PRCC: variants seen among roughly 807,000 people sequenced by gnomAD.
The protein encoded by PRCC is proline-rich protein PRCC.
Under a neutral mutation model 44.0 loss-of-function variants are expected in PRCC, and 10 were observed. That is an observed-to-expected ratio of 0.23 (90% CI 0.14 to 0.39). The LOEUF (loss-of-function observed/expected upper bound fraction) is 0.39, where lower values mean the gene tolerates loss of function less well. Ranked by LOEUF, PRCC falls within the 10% of genes least tolerant of loss-of-function variation. The pLI, the probability that PRCC is intolerant of heterozygous loss-of-function variation, is 1.00. For synonymous variants in PRCC, 278 were observed against 259.5 expected (o/e 1.07, Z -0.69); for missense variants, 573 against 624.7 (o/e 0.92, Z 0.88).
chr1:156,767,870 C>G lies in PRCC; in HGVS notation c.99C>G (p.Pro33=). The change falls in exon 1 of 7, where the codon CCC becomes CCG. Residue 33 remains proline (P), a synonymous_variant. Coordinates refer to ENST00000271526, the MANE Select transcript of PRCC (RefSeq NM_005973.5). ...AGGCGGTGGCTCCTACATCTGGGCC[C>G]GCTTTAGGGGGCTTGTTCGCTTCTC... The part of the protein sequence containing the change: ...EEEAVAPTSG[P]ALGGLFASLP... 6.2e-7 allele frequency: 1 copy of G among 1,607,508 alleles called. No homozygotes were observed. Among genetic ancestry groups the G allele is most frequent in the Non-Finnish European group, 8.5e-7 (1 of 1,177,864 alleles).
intron 1 of PRCC, 23 bp downstream of exon 1, chr1:156,768,262 C>T: frequency 6.5e-7 from 1 of 1,535,722 alleles, no homozygotes; most frequent in Middle Eastern, 1.7e-4. Flanking sequence ...GGAAGGCACC[C>T]CCAAACTGTC....
rs932941714 is a variant in PRCC, at chr1:156,775,634, C to T, written c.469-6648C>T. On this transcript the variant is annotated intron_variant, in intron 1 of 6. Coordinates refer to ENST00000271526, the MANE Select transcript of PRCC (RefSeq NM_005973.5). ...CAAGTGATTCTCCTGCCTCAGCCTCCCGAGTAGCTGGGACTACCGGCACCC... is the reference window on the plus strand; with the variant it reads ...CAAGTGATTCTCCTGCCTCAGCCTCTCGAGTAGCTGGGACTACCGGCACCC... 1.1e-4 allele frequency among the ~76,000 whole-genome samples: 17 copies of T among 152,086 alleles called. No individual in the cohort carries two copies. In the East Asian group the frequency reaches 3.3e-3, roughly 30 times the overall value.
chr1:156,795,703 T>G (rs1331843634), intron 5 of PRCC: 1 of 152,228 alleles, frequency 6.6e-6, no homozygotes. Context: ...TCTTCTGTGT[T>G]CTCTTCATTA....
At chr1:156,798,235 A>G (rs954959037) in intron 6 of PRCC, among the ~76,000 whole-genome samples, 3 of 152,226 alleles carry the variant, frequency 2.0e-5, no homozygotes, top group African/African-American at 7.2e-5. Flanking sequence ...CCGATAACAC[A>G]TATTTTGTAT....
rs1402809799 is a variant in PRCC at position 156,791,537 on chromosome 1, T to C, written c.1084-160T>C. 4 of 635,450 alleles carry C rather than the reference T, an allele frequency of 6.3e-6. No homozygotes were observed. The African/African-American group carries it at 7.4e-5, about 12-fold the overall frequency. 39.4% of individuals were successfully genotyped at this position (635,450 alleles called of 1,614,324 possible). A position where few individuals can be genotyped will look rare whatever the true frequency, so the allele number is the denominator to read the frequency against. ...CTGTTCTTGAGTTGTAGGTCGGTCC[T>C]TGGGATCTATGCCTTTAACTGGTCT... is the stretch of plus-strand genomic sequence containing the variant. On this transcript the variant is annotated intron_variant, in intron 3 of 6. Coordinates refer to ENST00000271526, the MANE Select transcript of PRCC (RefSeq NM_005973.5).
At chr1:156,790,501 TA>T (rs1185968045) in intron 3 of PRCC, among the ~76,000 whole-genome samples, 3 of 152,194 alleles carry the variant, frequency 2.0e-5, no homozygotes, top group Non-Finnish European at 2.9e-5. Context: ...CATGCGCCTG[TA>T]ATCCCAGCTA....
chr1:156,788,699 G>C (rs1652366255), intron 3 of PRCC, among the ~76,000 whole-genome samples: 1 of 122,712 alleles, frequency 8.1e-6, no homozygotes, highest in South Asian at 2.5e-4. Context: ...GTCTCGCTCT[G>C]TCGCCCAGGC....
At chr1:156,779,124 ATATATTTTTTTTTTTT>A (rs1180912240) in intron 1 of PRCC, among the ~76,000 whole-genome samples, 11 of 25,204 alleles carry the variant, frequency 4.4e-4, no homozygotes, top group South Asian at 1.9e-3. Flanking sequence ...ATATATATAT[ATATATTTTTTTTTTTT>A]TTTTTTTTTT....
In PRCC at chr1:156,791,768, T is replaced by C; in HGVS notation, c.1155T>C (p.Asp385=). Reference sequence around the variant, plus strand: ...TCCCCCCCCAGGAAATTGCCCCAGATGCCTCCTTCATCGATGACGAAGCAG... The same window carrying C: ...TCCCCCCCCAGGAAATTGCCCCAGACGCCTCCTTCATCGATGACGAAGCAG... ...ALVPPQEIAP[D]ASFIDDEAFK... is the part of the protein sequence containing the mutation. Residue 385 remains aspartate, a synonymous_variant, in exon 4 of 7, where the codon GAT becomes GAC. Transcript: ENST00000271526. 6.2e-7 allele frequency: 1 copy of C among 1,613,960 alleles called. No homozygotes were observed. The highest frequency in any genetic ancestry group is 8.5e-7 in the Non-Finnish European group (1 of 1,179,986).
chr1:156,797,247 A>G (rs1320102001), intron 5 of PRCC, 29 bp from the exon 6 acceptor site: 3 of 1,614,024 alleles, frequency 1.9e-6, no homozygotes, highest in Non-Finnish European at 8.5e-7. Flanking sequence ...CATCCTGTGG[A>G]TTAATGAATA....
intron 3 of PRCC, among the ~76,000 whole-genome samples, 190 bp downstream of exon 3, chr1:156,787,364 G>T (rs1369539670): frequency 6.6e-6 from 1 of 151,654 alleles, no homozygotes; most frequent in Non-Finnish European, 1.5e-5. Flanking sequence ...AAGTGTGACA[G>T]GGTGAACCAC....
rs1398725561 is a variant in PRCC at position 156,767,740 on chromosome 1, C to T, written c.-32C>T. On this transcript the variant is annotated 5_prime_UTR_variant, in exon 1 of 7. Transcript: ENST00000271526. Reference sequence around the variant, plus strand: ...CCCGGTCTCAAGTAGGCCTCATCTGCCGGCAAGGGCGCCCGAAACGCGGGA... The same window carrying T: ...CCCGGTCTCAAGTAGGCCTCATCTGTCGGCAAGGGCGCCCGAAACGCGGGA... 2 of 1,552,996 alleles carry T rather than the reference C, an allele frequency of 1.3e-6. No individual in the cohort carries two copies. Among genetic ancestry groups the T allele is most frequent in the African/African-American group, 2.7e-5 (2 of 73,492 alleles).
In PRCC at chr1:156,790,099, T is replaced by C. The variant is rs148806242; in HGVS notation, c.1084-1598T>C. ...TCAGCAAGTTTAAAAACTGCTGGCC[T>C]GGGATGGTTGGAAGACTTAAGTCCC... On this transcript the variant is annotated intron_variant, in intron 3 of 6. Coordinates refer to ENST00000271526, the MANE Select transcript of PRCC (RefSeq NM_005973.5). Among the ~76,000 whole-genome samples the C allele has an allele frequency of 1.2e-3, 188 of 152,378 alleles. 2 individuals are homozygous for C. In the South Asian group the frequency reaches 0.014, roughly 11 times the overall value.
intron 2 of PRCC, among the ~76,000 whole-genome samples, chr1:156,784,127 T>G (rs1652149745): frequency 6.6e-6 from 1 of 152,068 alleles, no homozygotes; most frequent in Admixed American, 6.5e-5. Flanking sequence ...TTTTGTATTT[T>G]TAGTAGAGAT....
At chr1:156,779,989 C>T (rs1338490868) in intron 1 of PRCC, among the ~76,000 whole-genome samples, 1 of 151,898 alleles carries the variant, frequency 6.6e-6, no homozygotes, top group Admixed American at 6.6e-5. Flanking sequence ...CTCCTGGATT[C>T]AAGCAATTCT....
chr1:156,786,974 AT>A lies in PRCC; in HGVS notation c.884del (p.Ile295ThrfsTer132). On this transcript the variant is annotated frameshift_variant, in exon 3 of 7. Coordinates refer to ENST00000271526, the MANE Select transcript of PRCC (RefSeq NM_005973.5). LOFTEE classifies it high-confidence loss of function. Reference protein sequence around the residue: ...PPGVEPYPYPIPTVPEELPPG... With the variant: ...PPGVEPYPYPXPTVPEELPPG... ...TGGAGTTGAGCCATACCCTTACCCC[AT>A]CCCCACTGTCCCTGAAGAGCTGCCT... 6.2e-7 allele frequency: 1 copy of A among 1,614,078 alleles called. No homozygotes were observed. Among genetic ancestry groups the A allele is most frequent in the Non-Finnish European group, 8.5e-7 (1 of 1,180,010 alleles).
At chr1:156,796,339 A>G (rs1375740660) in intron 5 of PRCC, 1 of 152,232 alleles carries the variant, frequency 6.6e-6, no homozygotes, top group Non-Finnish European at 1.5e-5. Context: ...TGTTAAAAGG[A>G]GAAAAAGATA....
intron 4 of PRCC, among the ~76,000 whole-genome samples, chr1:156,793,627 G>A (rs1200990009): frequency 6.6e-6 from 1 of 151,854 alleles, no homozygotes; most frequent in Non-Finnish European, 1.5e-5. Flanking sequence ...CTGTTGATTC[G>A]GTGATACCGA....
At chr1:156,776,766 G>C (rs1191802785) in intron 1 of PRCC, among the ~76,000 whole-genome samples, 1 of 152,140 alleles carries the variant, frequency 6.6e-6, no homozygotes, top group African/African-American at 2.4e-5. Flanking sequence ...TGATGTCAAA[G>C]TTTAAACGTA....
Sources: gnomAD v4.1 joint callset for allele counts (sites outside exome capture counted in the v4.1 genomes callset) on GRCh38, gnomAD v4.1.1 for gene constraint, MANE v1.5 for transcripts, NCBI Gene and HGNC (gene_info 2026-07-23, HGNC 2026-07-21) for gene names.